Variants in TGM5 observed in about 807,000 individuals in gnomAD.
TGM5 encodes transglutaminase 5, also known as protein-glutamine gamma-glutamyltransferase 5.
Under a neutral mutation model 77.2 loss-of-function variants are expected in TGM5, and 69 were observed. That is an observed-to-expected ratio of 0.89 (90% confidence interval 0.74 to 1.09). TGM5 has a LOEUF of 1.09. Among genes scored for constraint, TGM5 ranks in the 50% least tolerant of loss-of-function variants. The pLI is 0.00. For missense variants in TGM5, 842 were observed against 896.5 expected (o/e 0.94, Z 0.78); for synonymous variants, 346 against 351.8 (o/e 0.98, Z 0.18).
intron 1 of TGM5, among the ~76,000 whole-genome samples, chr15:43,261,081 T>TTTTTTTG (rs2042784558): frequency 2.1e-5 from 2 of 94,690 alleles, no homozygotes; most frequent in African/African-American, 5.1e-5. Context: ...TGTGTGTTTT[T>TTTTTTTG]TTTTTTTTTT....
intron 6 of TGM5, among the ~76,000 whole-genome samples, chr15:43,247,158 C>CAAAAAAAAAAAAAAAAAAA: frequency 1.9e-5 from 1 of 53,688 alleles, no homozygotes; most frequent in Non-Finnish European, 4.2e-5. Context: ...GACTCTGTCT[C>CAAAAAAAAAAAAAAAAAAA]AAAAAAAAAA....
At chr15:43,259,534 G>C (rs1039197459) in intron 3 of TGM5, among the ~76,000 whole-genome samples, 1 of 151,448 alleles carries the variant, frequency 6.6e-6, no homozygotes, top group Admixed American at 6.6e-5. Context: ...CACACACAGA[G>C]GCATACATAT....
intron 6 of TGM5, among the ~76,000 whole-genome samples, chr15:43,248,389 G>A (rs1168870413): frequency 6.6e-6 from 1 of 152,100 alleles, no homozygotes; most frequent in African/African-American, 2.4e-5. Flanking sequence ...AGTCAAGTTG[G>A]TCTCGATCTC....
chr15:43,235,845 TG>T lies in TGM5; in HGVS notation c.1346-9del, dbSNP rs756098849. The T allele has an allele frequency of 1.7e-5, 27 of 1,613,450 alleles. No individual in the cohort carries two copies. Among genetic ancestry groups the T allele is most frequent in the Non-Finnish European group, 1.8e-5 (21 of 1,179,994 alleles). On this transcript the variant is annotated splice_polypyrimidine_tract_variant and intron_variant, in intron 9 of 12. Transcript: ENST00000220420. The stretch of plus-strand genomic sequence containing the variant: ...GCCTCTCCTGGAGGGATCCTGAAGT[TG>T]GGGAGAGCACAGCACCAGCTGTGAG...
intron 1 of TGM5, among the ~76,000 whole-genome samples, chr15:43,261,083 T>TTG (rs1566837488): frequency 2.5e-3 from 171 of 68,264 alleles, no homozygotes; most frequent in Middle Eastern, 7.9e-3. Context: ...TGTGTTTTTT[T>TTG]TTTTTTTTTT....
At chr15:43,257,508 C>T (rs1351069828) in intron 3 of TGM5, among the ~76,000 whole-genome samples, 3 of 152,020 alleles carry the variant, frequency 2.0e-5, no homozygotes, top group Non-Finnish European at 2.9e-5. Flanking sequence ...GTGGATTTTG[C>T]CATTGAAAGT....
intron 7 of TGM5, 110 bp downstream of exon 7, chr15:43,240,742 G>T: frequency 7.1e-7 from 1 of 1,417,486 alleles, no homozygotes. Flanking sequence ...GGGTGTGGAG[G>T]AGGTGAAGGG....
At chr15:43,252,253 C>T (rs1264074615) in intron 6 of TGM5, among the ~76,000 whole-genome samples, 2 of 152,216 alleles carry the variant, frequency 1.3e-5, no homozygotes, top group African/African-American at 2.4e-5. Context: ...ACTGTCACTT[C>T]GGAACCATGG....
chr15:43,265,018 C>T (rs984222644), intron 1 of TGM5, among the ~76,000 whole-genome samples: 6 of 151,024 alleles, frequency 4.0e-5, no homozygotes, highest in Non-Finnish European at 7.4e-5. Context: ...TCACCCTGTA[C>T]GTATTTCAGA....
At chr15:43,264,368 A>G (rs866652988) in intron 1 of TGM5, among the ~76,000 whole-genome samples, 2 of 152,208 alleles carry the variant, frequency 1.3e-5, no homozygotes, top group Non-Finnish European at 1.5e-5. Context: ...AAAAGTAGAA[A>G]CAACACAATT....
chr15:43,235,835 A>G lies in TGM5; in HGVS notation c.1348T>C (p.Ser450Pro). 2 of 1,613,802 alleles carry G rather than the reference A, an allele frequency of 1.2e-6. No homozygotes were observed. The highest frequency in any genetic ancestry group is 1.7e-6 in the Non-Finnish European group (2 of 1,180,024). Residue 450 changes from serine to proline, a missense_variant and splice_region_variant, in exon 10 of 13, where the codon TCC (serine) becomes CCC (proline). Transcript: ENST00000220420. ...ITENYKYEEG[S>P]LQERQVFLKA... The stretch of plus-strand genomic sequence containing the variant: ...AGAAACACCTGCCTCTCCTGGAGGG[A>G]TCCTGAAGTTGGGGAGAGCACAGCA...
rs1000106292 is a variant in TGM5, at chr15:43,253,636, T to C, written c.556-2A>G. 3.1e-6 allele frequency: 5 copies of C among 1,612,614 alleles called. No individual in the cohort carries two copies. The East Asian group carries it at 8.9e-5, about 29-fold the overall frequency. ...GATGTCTATGATTTTGTCTTCAAAC[T>C]TCGGGGGGAGAGGCAGAGAGGGAAG... On this transcript the variant is annotated splice_acceptor_variant, in intron 4 of 12. Coordinates refer to ENST00000220420, the MANE Select transcript of TGM5 (RefSeq NM_201631.4). LOFTEE classifies it high-confidence loss of function.
rs142718443 is a variant in TGM5, at chr15:43,250,451, G to A, written c.862+2308C>T. ...TGGTAGTGCTGGTATGCAACCTCAC[G>A]CATCTTGCCTCCAGAGTCCACAAGC... On this transcript the variant is annotated intron_variant, in intron 6 of 12. Coordinates refer to ENST00000220420, the MANE Select transcript of TGM5 (RefSeq NM_201631.4). Among the ~76,000 whole-genome samples the A allele has an allele frequency of 2.8e-4, 42 of 152,270 alleles. No homozygotes were observed. The East Asian group carries it at 6.4e-3, about 23-fold the overall frequency.
At chr15:43,237,558 T>G (rs183748443) in intron 9 of TGM5, among the ~76,000 whole-genome samples, 32 of 152,302 alleles carry the variant, frequency 2.1e-4, no homozygotes, top group African/African-American at 7.2e-4. Context: ...CCTTTTTTTT[T>G]TTTGTTTAGA....
At chr15:43,253,658 G>A (rs1196801599) in intron 4 of TGM5, 24 bp from the exon 5 acceptor site, 3 of 1,610,088 alleles carry the variant, frequency 1.9e-6, no homozygotes, top group Admixed American at 1.7e-5. Context: ...GGCAGAGAGG[G>A]AAGGCACCCA....
Position 43,256,512 on chromosome 15 carries a change from T to G in TGM5, c.555+56A>C. ...TAGGTGAAGCTCACATGTGCCCTGC[T>G]CCCTCTCCCCACAAGCTCGGGGCCG... On this transcript the variant is annotated intron_variant, in intron 4 of 12. Coordinates refer to ENST00000220420, the MANE Select transcript of TGM5 (RefSeq NM_201631.4). The G allele has an allele frequency of 2.2e-6, 3 of 1,346,252 alleles. 1 individual carries two copies. Among genetic ancestry groups the G allele is most frequent in the East Asian group, 4.6e-5 (2 of 43,696 alleles). The allele number at this position is 1,346,252 out of a possible 1,614,324, so 83.4% of individuals were successfully genotyped here.
At chr15:43,251,820 C>T (rs2042705661) in intron 6 of TGM5, among the ~76,000 whole-genome samples, 1 of 152,224 alleles carries the variant, frequency 6.6e-6, no homozygotes, top group African/African-American at 2.4e-5. Context: ...AACCAACTTC[C>T]ATTTGCCATC....
rs2042773997 is a variant in TGM5, at chr15:43,260,158, C to T, written c.330G>A (p.Ala110=). The part of the protein sequence containing the change: ...TEVSLCAPPT[A]AVGRYLLKIH... ...TTTTCAAGAGGTACCGACCCACGGCCGCCGTGGGAGGAGCGCACAAGCTCA... is the reference window on the plus strand; with the variant it reads ...TTTTCAAGAGGTACCGACCCACGGCTGCCGTGGGAGGAGCGCACAAGCTCA... The change falls in exon 3 of 13, where the codon GCG becomes GCA. Residue 110 remains alanine, a synonymous_variant. Transcript: ENST00000220420. 1.2e-6 allele frequency: 2 copies of T among 1,614,138 alleles called. No homozygotes were observed. Among genetic ancestry groups the T allele is most frequent in the Non-Finnish European group, 1.7e-6 (2 of 1,180,024 alleles).
chr15:43,245,079 T>C (rs1298573525), intron 6 of TGM5, among the ~76,000 whole-genome samples: 2 of 151,778 alleles, frequency 1.3e-5, no homozygotes, highest in Non-Finnish European at 2.9e-5. Flanking sequence ...TGAGATCCTG[T>C]CTAAAATAAA....
Sources: allele counts gnomAD v4.1 joint callset (sites outside exome capture counted in the v4.1 genomes callset), GRCh38; gene constraint gnomAD v4.1.1; transcripts MANE v1.5; gene names NCBI Gene and HGNC (gene_info 2026-07-23, HGNC 2026-07-21).